IL4R: variants seen among roughly 807,000 people sequenced by gnomAD.
The protein encoded by IL4R is interleukin 4 receptor, also known as interleukin-4 receptor subunit alpha.
IL4R carries 17 observed loss-of-function variants against 41.5 expected under a neutral mutation model. The observed-to-expected ratio is 0.41, with a 90% CI of 0.28 to 0.61. IL4R has a LOEUF of 0.61. Among genes scored for constraint, IL4R ranks in the 20% least tolerant of loss-of-function variants. IL4R has a pLI of 0.31. For synonymous variants in IL4R, 402 were observed against 422.9 expected (o/e 0.95, Z 0.61); for missense variants, 974 against 1,043.1 (o/e 0.93, Z 0.91).
At chr16:27,322,728 A>G (rs1338486948) in intron 1 of IL4R, among the ~76,000 whole-genome samples, 1 of 152,084 alleles carries the variant, frequency 6.6e-6, no homozygotes, top group Non-Finnish European at 1.5e-5. Flanking sequence ...AAACAAAAAA[A>G]CCATCCACCT....
intron 6 of IL4R, among the ~76,000 whole-genome samples, chr16:27,351,506 C>T (rs1466618166): frequency 3.3e-5 from 4 of 120,908 alleles, no homozygotes; most frequent in East Asian, 2.4e-4. Context: ...ATCTCTCTCT[C>T]TCTCTTTTTT....
At chr16:27,336,711 G>A (rs1484661003) in intron 2 of IL4R, among the ~76,000 whole-genome samples, 4 of 151,058 alleles carry the variant, frequency 2.6e-5, no homozygotes, top group Admixed American at 2.0e-4. Flanking sequence ...AGGGAGGAAG[G>A]GAAGGTCCCT....
intron 1 of IL4R, among the ~76,000 whole-genome samples, chr16:27,320,124 C>T (rs2084769302): frequency 6.6e-6 from 1 of 152,150 alleles, no homozygotes; most frequent in African/African-American, 2.4e-5. Context: ...GCCTCAGTCT[C>T]CCAAAGTGCT....
intron 6 of IL4R, among the ~76,000 whole-genome samples, chr16:27,347,385 T>C (rs1286093634): frequency 1.3e-5 from 2 of 152,184 alleles, no homozygotes; most frequent in Non-Finnish European, 2.9e-5. Context: ...GAGATGGGGT[T>C]TCACTGCGTT....
intron 6 of IL4R, among the ~76,000 whole-genome samples, chr16:27,351,017 T>C (rs1478567938): frequency 6.6e-6 from 1 of 152,254 alleles, no homozygotes; most frequent in East Asian, 1.9e-4. Flanking sequence ...TATTATCTCA[T>C]AGTTTCTGTG....
At chr16:27,333,095 C>G (rs2085158445) in intron 2 of IL4R, among the ~76,000 whole-genome samples, 1 of 151,560 alleles carries the variant, frequency 6.6e-6, no homozygotes, top group Admixed American at 6.6e-5. Context: ...TGTGGTCTGT[C>G]TTGGTGATTA....
chr16:27,361,637 G>A (rs1203060160), intron 10 of IL4R, among the ~76,000 whole-genome samples: 17 of 131,122 alleles, frequency 1.3e-4, no homozygotes, highest in Non-Finnish European at 2.4e-4. Context: ...TTTTTTGGAC[G>A]CAGGGTCTTG....
At chr16:27,344,364 CAAAA>C (rs34638911) in intron 4 of IL4R, among the ~76,000 whole-genome samples, 12 of 112,908 alleles carry the variant, frequency 1.1e-4, no homozygotes, top group East Asian at 2.3e-4. Context: ...TACAAATAAC[CAAAA>C]AAAAAAAAAA....
chr16:27,341,915 A>G (rs186881537), intron 3 of IL4R: 2 of 566,518 alleles, frequency 3.5e-6, no homozygotes, highest in African/African-American at 1.9e-5. Context: ...CCCCGCACCC[A>G]TGGGTATTTC....
At chr16:27,355,517 C>G (rs967169802) in intron 7 of IL4R, 29 of 387,216 alleles carry the variant, frequency 7.5e-5, no homozygotes, top group South Asian at 1.5e-4. Context: ...CCATCCGGCT[C>G]CTAAGTTGGT....
chr16:27,362,166 A>G, intron 10 of IL4R, 86 bp from the exon 11 acceptor site: 1 of 1,293,454 alleles, frequency 7.7e-7, no homozygotes, highest in Non-Finnish European at 1.1e-6. Context: ...CCATCAGGAC[A>G]TGGTGATTTC....
Position 27,344,885 on chromosome 16 carries a change from C to T in IL4R, c.226C>T (p.Pro76Ser). 6.2e-7 allele frequency: 1 copy of T among 1,614,180 alleles called. No individual in the cohort carries two copies. ...FLLSEAHTCI[P>S]ENNGGAGCVC... Reference sequence around the variant, plus strand: ...TGTCTGCAGAGCCCACACGTGTATCCCTGAGAACAACGGAGGCGCGGGGTG... The same window carrying T: ...TGTCTGCAGAGCCCACACGTGTATCTCTGAGAACAACGGAGGCGCGGGGTG... The change falls in exon 5 of 11, where the codon CCT (proline) becomes TCT (serine). Residue 76 changes from proline to serine, a missense_variant. Coordinates refer to ENST00000395762, the MANE Select transcript of IL4R (RefSeq NM_000418.4).
chr16:27,330,395 A>AAG, intron 2 of IL4R, among the ~76,000 whole-genome samples, 197 bp downstream of exon 2: 1 of 151,656 alleles, frequency 6.6e-6, no homozygotes, highest in East Asian at 1.9e-4. Flanking sequence ...TCAAAAAAAA[A>AAG]AAAAAGAAAA....
intron 8 of IL4R, among the ~76,000 whole-genome samples, chr16:27,357,251 C>A (rs1405485617): frequency 6.6e-6 from 1 of 152,078 alleles, no homozygotes; most frequent in African/African-American, 2.4e-5. Context: ...AGCATGCCAG[C>A]CTCTTTGCTG....
rs2085661315 is a variant in IL4R at position 27,346,765 on chromosome 16, A to C, written c.513+147A>C. 3 of 842,296 alleles carry C rather than the reference A, an allele frequency of 3.6e-6. No homozygotes were observed. The African/African-American group carries it at 5.1e-5, about 14-fold the overall frequency. The allele number at this position is 842,296 out of a possible 1,614,324, so 52.2% of individuals were successfully genotyped here. On this transcript the variant is annotated intron_variant, in intron 6 of 10. Transcript: ENST00000395762. Reference sequence around the variant, plus strand: ...CCAGGAGCTAGAGACCTGGCTTCTCACCTGGCTCTGCACTAGGCAAGTCCC... The same window carrying C: ...CCAGGAGCTAGAGACCTGGCTTCTCCCCTGGCTCTGCACTAGGCAAGTCCC...
Position 27,362,688 on chromosome 16 carries a change from G to A in IL4R, c.1336G>A (p.Asp446Asn). 1.9e-6 allele frequency: 3 copies of A among 1,614,140 alleles called. No homozygotes were observed. Among genetic ancestry groups the A allele is most frequent in the Non-Finnish European group, 2.5e-6 (3 of 1,180,016 alleles). ...AAGTACGAGTGCTCACATGCCCTGGGATGAGTTCCCAAGTGCAGGGCCCAA... is the reference window on the plus strand; with the variant it reads ...AAGTACGAGTGCTCACATGCCCTGGAATGAGTTCCCAAGTGCAGGGCCCAA... Reference protein sequence around the residue: ...SGSTSAHMPWDEFPSAGPKEA... With the variant: ...SGSTSAHMPWNEFPSAGPKEA... The change falls in exon 11 of 11, where the codon GAT becomes AAT. Residue 446 changes from aspartate to asparagine, a missense_variant. Coordinates refer to ENST00000395762, the MANE Select transcript of IL4R (RefSeq NM_000418.4).
chr16:27,340,543 G>A (rs1049095092), intron 3 of IL4R, among the ~76,000 whole-genome samples: 16 of 152,054 alleles, frequency 1.1e-4, no homozygotes, highest in Non-Finnish European at 2.4e-4. Context: ...GGCAACATAG[G>A]GAGACCTTGT....
chr16:27,326,650 A>G (rs536839621), intron 1 of IL4R, among the ~76,000 whole-genome samples: 4 of 147,700 alleles, frequency 2.7e-5, no homozygotes, highest in Non-Finnish European at 5.9e-5. Context: ...ACAGAATGAG[A>G]CCCTGTCTCT....
upstream of IL4R, chr16:27,313,817 G>A: frequency 1.4e-6 from 1 of 698,210 alleles, no homozygotes; most frequent in Non-Finnish European, 1.8e-6. Context: ...AGGGGCGCGA[G>A]GTGGCCGGGA....
Sources: gnomAD v4.1 joint callset for allele counts (sites outside exome capture counted in the v4.1 genomes callset) on GRCh38, gnomAD v4.1.1 for gene constraint, MANE v1.5 for transcripts, NCBI Gene and HGNC (gene_info 2026-07-23, HGNC 2026-07-21) for gene names.